The following ANKRD24 variants were observed in gnomAD, a reference collection of about 807,000 sequenced individuals.
ANKRD24 encodes the protein ankyrin repeat domain 24.
A neutral mutation model predicts 127.8 loss-of-function variants in ANKRD24; 109 were observed. That is an observed-to-expected ratio of 0.85 (90% confidence interval 0.73 to 1.00). The LOEUF (loss-of-function observed/expected upper bound fraction) is 1.00, where lower values mean the gene tolerates loss of function less well. Ranked by LOEUF, ANKRD24 falls within the 50% of genes least tolerant of loss-of-function variation. The probability of loss-of-function intolerance (pLI) is 0.00; values close to 1 mark genes in which losing one functional copy is unlikely to be tolerated. For missense variants in ANKRD24, 1,648 were observed against 1,570.2 expected (o/e 1.05, Z -0.84); for synonymous variants, 743 against 671.1 (o/e 1.11, Z -1.66).
chr19:4,204,409 A>G (rs1969271981), intron 7 of ANKRD24, among the ~76,000 whole-genome samples: 1 of 152,110 alleles, frequency 6.6e-6, no homozygotes, highest in African/African-American at 2.4e-5. Context: ...CAGCAGGTAA[A>G]TCGTAGGGAA....
intron 1 of ANKRD24, chr19:4,186,158 A>C: frequency 4.0e-6 from 4 of 1,011,892 alleles, no homozygotes; most frequent in Non-Finnish European, 5.3e-6. Context: ...TGAGTTGGTC[A>C]AGAAAGGATC....
chr19:4,222,812 G>A lies in ANKRD24; in HGVS notation c.3297+17G>A, dbSNP rs374364976. 223 of 1,591,844 alleles carry A rather than the reference G, an allele frequency of 1.4e-4. No individual in the cohort carries two copies. In the African/African-American group the frequency reaches 2.5e-3, roughly 18 times the overall value. On this transcript the variant is annotated intron_variant, in intron 20 of 21. Transcript: ENST00000318934. ...CAGCTGCAGGTAAGGACTGGGCCAC[G>A]CAGGGGCCAGGGGACCATCAGGGTG... is the stretch of plus-strand genomic sequence containing the variant.
chr19:4,209,752 C>T (rs1286429474), intron 11 of ANKRD24, among the ~76,000 whole-genome samples: 1 of 152,168 alleles, frequency 6.6e-6, no homozygotes, highest in African/African-American at 2.4e-5. Flanking sequence ...GCGCTGGCCC[C>T]TCTCCCAGTT....
At chr19:4,210,816 T>TA (rs1406570476) in intron 13 of ANKRD24, among the ~76,000 whole-genome samples, 2 of 143,086 alleles carry the variant, frequency 1.4e-5, no homozygotes, top group East Asian at 2.2e-4. Context: ...TCACTTTATT[T>TA]TTTTTTTATT....
Position 4,215,921 on chromosome 19 carries a change from G to A in ANKRD24, c.1198-57G>A, listed in dbSNP as rs527739821. 1.3e-4 allele frequency: 190 copies of A among 1,415,286 alleles called. 2 individuals carry two copies. The East Asian group carries it at 3.9e-3, about 29-fold the overall frequency. The allele number at this position is 1,415,286 out of a possible 1,614,324, so 87.7% of individuals were successfully genotyped here. On this transcript the variant is annotated intron_variant, in intron 15 of 21. Coordinates refer to ENST00000318934, the MANE Select transcript of ANKRD24 (RefSeq NM_001393985.1). Reference sequence around the variant, plus strand: ...CCCAGTCCCCACTGGAGTCTTGGTGGGGACACACGGGGGCTGAGAGCAGAA... The same window carrying A: ...CCCAGTCCCCACTGGAGTCTTGGTGAGGACACACGGGGGCTGAGAGCAGAA...
At chr19:4,193,972 G>A (rs1392944714) in intron 2 of ANKRD24, among the ~76,000 whole-genome samples, 1 of 151,930 alleles carries the variant, frequency 6.6e-6, no homozygotes, top group Non-Finnish European at 1.5e-5. Flanking sequence ...TTTCTTAAAA[G>A]GCCAGAGGAT....
Position 4,182,695 on chromosome 19 carries a change from G to C in ANKRD24, c.-82G>C, listed in dbSNP as rs369524988. On this transcript the variant is annotated 5_prime_UTR_variant, in exon 1 of 22. Transcript: ENST00000318934. The stretch of plus-strand genomic sequence containing the variant: ...TGCGCCTCTTGCTGACGCCGCAGGC[G>C]ACATGTTATCTGCTGTCAGAAGGAA... The C allele has an allele frequency of 7.1e-7, 1 of 1,416,486 alleles. No homozygotes were observed. 87.7% of individuals were successfully genotyped at this position (1,416,486 alleles called of 1,614,324 possible).
At position 4,195,438 on chromosome 19, in the gene ANKRD24, C is replaced by T. The variant is rs1968668143; in HGVS notation, c.37-4245C>T. 6.6e-6 allele frequency among the ~76,000 whole-genome samples: 1 copy of T among 152,138 alleles called. No individual in the cohort carries two copies. The highest frequency in any genetic ancestry group is 1.5e-5 in the Non-Finnish European group (1 of 68,020). ...TAGGAGACAGTTGGAAACTGAAGCC[C>T]TGAGCTGGGAGATCCGTTTCGGTCT... On this transcript the variant is annotated intron_variant, in intron 2 of 21. Transcript: ENST00000318934. The surrounding 1 kb of genome is among the most constrained non-coding windows in gnomAD (Gnocchi z 4.2).
chr19:4,213,328 T>C (rs1969870616), intron 15 of ANKRD24, among the ~76,000 whole-genome samples: 1 of 147,010 alleles, frequency 6.8e-6, no homozygotes, highest in African/African-American at 2.5e-5. Context: ...CTCCTTCCCT[T>C]CCTTCCTTTC....
At chr19:4,218,231 C>T (rs1344769986) in intron 18 of ANKRD24, 68 bp downstream of exon 18, 56 of 1,367,072 alleles carry the variant, frequency 4.1e-5, no homozygotes, top group Non-Finnish European at 5.3e-5. Flanking sequence ...TTTAGCCCCG[C>T]AGCCTTGAGG....
intron 7 of ANKRD24, among the ~76,000 whole-genome samples, chr19:4,205,560 TAGAC>T (rs777176839): frequency 9.2e-5 from 14 of 151,778 alleles, no homozygotes; most frequent in Non-Finnish European, 7.4e-5. Flanking sequence ...AAAATATAAA[TAGAC>T]AGGCCAGGCA....
intron 11 of ANKRD24, chr19:4,209,036 T>G (rs956233599): frequency 6.5e-6 from 3 of 462,556 alleles, no homozygotes; most frequent in Non-Finnish European, 7.8e-6. Flanking sequence ...GGGAGGGCAG[T>G]GGGGACTGAG....
At position 4,182,746 on chromosome 19, in the gene ANKRD24, T is replaced by A; in HGVS notation, c.-37+6T>A. Reference sequence around the variant, plus strand: ...GCCTGCCTCTTTGCATGCAGGTGTTTGCGGGGCTTGGGAAGGGGCTCCCCG... The same window carrying A: ...GCCTGCCTCTTTGCATGCAGGTGTTAGCGGGGCTTGGGAAGGGGCTCCCCG... On this transcript the variant is annotated splice_donor_region_variant and intron_variant, in intron 1 of 21. Coordinates refer to ENST00000318934, the MANE Select transcript of ANKRD24 (RefSeq NM_001393985.1). 1 of 1,392,130 alleles carries A rather than the reference T, an allele frequency of 7.2e-7. No homozygotes were observed. The allele number at this position is 1,392,130 out of a possible 1,614,324, so 86.2% of individuals were successfully genotyped here.
chr19:4,195,193 CT>C lies in ANKRD24; in HGVS notation c.37-4489del, dbSNP rs1353527666. 1.3e-5 allele frequency among the ~76,000 whole-genome samples: 2 copies of C among 151,904 alleles called. No individual in the cohort carries two copies. Among genetic ancestry groups the C allele is most frequent in the Non-Finnish European group, 2.9e-5 (2 of 67,934 alleles). ...GTGCACGCCATTCTCCTGCCTCAGT[CT>C]CCCGAGTAGCTGGGACTACAGGCGC... On this transcript the variant is annotated intron_variant, in intron 2 of 21. Coordinates refer to ENST00000318934, the MANE Select transcript of ANKRD24 (RefSeq NM_001393985.1). The surrounding 1 kb of genome is among the most constrained non-coding windows in gnomAD (Gnocchi z 4.2).
chr19:4,196,626 C>T (rs376858765), intron 2 of ANKRD24, among the ~76,000 whole-genome samples: 4 of 152,294 alleles, frequency 2.6e-5, no homozygotes, highest in East Asian at 1.9e-4. Context: ...CTGCCCGCCT[C>T]GGCCTCCCAA....
intron 13 of ANKRD24, among the ~76,000 whole-genome samples, chr19:4,211,085 G>A (rs1270585082): frequency 1.3e-5 from 2 of 151,954 alleles, no homozygotes; most frequent in South Asian, 2.1e-4. Flanking sequence ...CTCCCGCCGC[G>A]GCCTCCTAAA....
Position 4,187,331 on chromosome 19 carries a change from T to C in ANKRD24, c.36+870T>C, listed in dbSNP as rs561172980. ...GGGAGGCTGAGGCAGGAGAATTGCT[T>C]GAACCTGGGAGGTGGAGGTTGCAGT... On this transcript the variant is annotated intron_variant, in intron 2 of 21. Coordinates refer to ENST00000318934, the MANE Select transcript of ANKRD24 (RefSeq NM_001393985.1). Among the ~76,000 whole-genome samples, 9 of 151,992 alleles carry C rather than the reference T, an allele frequency of 5.9e-5. No individual in the cohort carries two copies. The East Asian group carries it at 1.6e-3, about 26-fold the overall frequency.
At position 4,198,511 on chromosome 19, in the gene ANKRD24, G is replaced by A; in HGVS notation, c.37-1172G>A. The stretch of plus-strand genomic sequence containing the variant: ...CGGACGCCATGAAGCAGCTGTGTCT[G>A]TGCGCAGCCGCCTCCTTCGCGGTAG... On this transcript the variant is annotated intron_variant, in intron 2 of 21. Transcript: ENST00000318934. The surrounding 1 kb of genome is among the most constrained non-coding windows in gnomAD (Gnocchi z 6.1). 1.6e-6 allele frequency: 1 copy of A among 614,844 alleles called. No individual in the cohort carries two copies. The highest frequency in any genetic ancestry group is 2.6e-5 in the Admixed American group (1 of 38,286). 38.1% of individuals were successfully genotyped at this position (614,844 alleles called of 1,614,324 possible). A position where few individuals can be genotyped will look rare whatever the true frequency, so the allele number is the denominator to read the frequency against.
intron 10 of ANKRD24, 126 bp downstream of exon 10, chr19:4,208,094 C>T: frequency 1.0e-6 from 1 of 1,001,794 alleles, no homozygotes; most frequent in Non-Finnish European, 1.4e-6. Context: ...CTAGAGCTTA[C>T]CCAATTCTAC....
Sources: gnomAD v4.1 joint callset for allele counts (sites outside exome capture counted in the v4.1 genomes callset) on GRCh38, gnomAD v4.1.1 for gene constraint, Gnocchi (gnomAD v3.1) non-coding constraint, MANE v1.5 for transcripts, NCBI Gene and HGNC (gene_info 2026-07-23, HGNC 2026-07-21) for gene names.